The following ARSB variants were observed in gnomAD, a reference collection of about 807,000 sequenced individuals.
ARSB encodes N-acetylgalactosamine-4-sulfatase.
In ARSB, 41 loss-of-function variants were observed where a neutral mutation model predicts 50.9. The ratio of observed to expected loss-of-function variants is 0.81; its 90% CI spans 0.63 to 1.04. ARSB has a LOEUF of 1.04. Among genes scored for constraint, ARSB ranks in the 50% least tolerant of loss-of-function variants. ARSB has a pLI of 0.00. For missense variants in ARSB, 672 were observed against 693.3 expected (o/e 0.97, Z 0.35); for synonymous variants, 269 against 284.8 (o/e 0.94, Z 0.56).
At chr5:78,985,597 A>G (rs1753154079), upstream of ARSB, 1 of 172,682 alleles carries the variant, frequency 5.8e-6, no homozygotes, top group Non-Finnish European at 1.2e-5. Context: ...ACGCTTCACA[A>G]TTTACAAAGC....
At chr5:78,880,799 A>C (rs946143447) in intron 5 of ARSB, among the ~76,000 whole-genome samples, 4 of 152,160 alleles carry the variant, frequency 2.6e-5, no homozygotes, top group African/African-American at 9.7e-5. Context: ...TTTTGTGCCT[A>C]TGTTTAGGTA....
intron 4 of ARSB, among the ~76,000 whole-genome samples, chr5:78,954,406 A>G (rs951059645): frequency 6.6e-6 from 1 of 152,258 alleles, no homozygotes; most frequent in Non-Finnish European, 1.5e-5. Flanking sequence ...TGGCATCGCC[A>G]TAATGAAAAT....
intron 4 of ARSB, among the ~76,000 whole-genome samples, chr5:78,910,127 A>C (rs1322637467): frequency 6.6e-6 from 1 of 152,170 alleles, no homozygotes; most frequent in Non-Finnish European, 1.5e-5. Flanking sequence ...CCTTCTCCCC[A>C]CTATCACCCT....
Position 78,885,721 on chromosome 5 carries a change from G to A in ARSB, c.1005C>T (p.Pro335=), listed in dbSNP as rs1450998005. The A allele has an allele frequency of 1.2e-6, 2 of 1,614,012 alleles. No homozygotes were observed. Among genetic ancestry groups the A allele is most frequent in the African/African-American group, 2.7e-5 (2 of 74,902 alleles). ...TCTTCACGCCCTTCTGCTTCAGCAA[G>A]GGGCTTGCCACAAAGCCCACCCCTC... ...GVRGVGFVAS[P]LLKQKGVKNR... Residue 335 remains proline (P), a synonymous_variant, in exon 5 of 8, where the codon CCC becomes CCT. Transcript: ENST00000264914.
At chr5:78,808,831 C>T (rs538819364) in intron 6 of ARSB, among the ~76,000 whole-genome samples, 1 of 152,332 alleles carries the variant, frequency 6.6e-6, no homozygotes, top group South Asian at 2.1e-4. Context: ...GGATGGCCCC[C>T]TGGGCTCCCT....
At chr5:78,957,492 G>A (rs948849076) in intron 3 of ARSB, among the ~76,000 whole-genome samples, 7 of 152,128 alleles carry the variant, frequency 4.6e-5, no homozygotes, top group Admixed American at 2.6e-4. Flanking sequence ...TGTCAAAGTC[G>A]TTGCTTTAAA....
chr5:78,864,247 G>A (rs900016681), intron 5 of ARSB, among the ~76,000 whole-genome samples: 1 of 152,130 alleles, frequency 6.6e-6, no homozygotes, highest in Admixed American at 6.6e-5. Context: ...ACAAAAGAAA[G>A]AGGATTAATT....
intron 1 of ARSB, among the ~76,000 whole-genome samples, chr5:78,978,660 G>A (rs1363254227): frequency 3.3e-5 from 5 of 152,160 alleles, no homozygotes; most frequent in Admixed American, 6.5e-5. Flanking sequence ...CATAAGGATA[G>A]GCATGTAGAT....
intron 5 of ARSB, among the ~76,000 whole-genome samples, chr5:78,846,195 T>C (rs974992300): frequency 6.6e-6 from 1 of 152,172 alleles, no homozygotes; most frequent in Non-Finnish European, 1.5e-5. Context: ...AGGCTATACA[T>C]ACACGAATTT....
At chr5:78,868,130 T>C (rs1034548946) in intron 5 of ARSB, among the ~76,000 whole-genome samples, 23 of 142,184 alleles carry the variant, frequency 1.6e-4, no homozygotes, top group Non-Finnish European at 3.1e-4. Flanking sequence ...TAAAAAGAAA[T>C]GAGCAAAGCC....
chr5:78,884,779 T>TA (rs1747930823), intron 5 of ARSB: 1 of 152,084 alleles, frequency 6.6e-6, no homozygotes, highest in South Asian at 2.1e-4. Flanking sequence ...TTAATACAAA[T>TA]ACAAGATTGA....
At chr5:78,821,707 C>A (rs949427380) in intron 6 of ARSB, among the ~76,000 whole-genome samples, 1 of 152,212 alleles carries the variant, frequency 6.6e-6, no homozygotes, top group Non-Finnish European at 1.5e-5. Context: ...AATGCTTCTA[C>A]TTATTAGCTC....
chr5:78,848,059 T>C (rs930914509), intron 5 of ARSB, among the ~76,000 whole-genome samples: 41 of 150,758 alleles, frequency 2.7e-4, no homozygotes, highest in Non-Finnish European at 4.9e-4. Context: ...TTTTATTTTA[T>C]TATTATTATT....
intron 5 of ARSB, among the ~76,000 whole-genome samples, chr5:78,847,061 T>C (rs1745478367): frequency 6.6e-6 from 1 of 152,222 alleles, no homozygotes. Flanking sequence ...TTTATGGATT[T>C]GTATATGTTG....
chr5:78,877,184 T>A (rs1747525688), intron 5 of ARSB, among the ~76,000 whole-genome samples: 3 of 152,092 alleles, frequency 2.0e-5, no homozygotes, highest in Admixed American at 6.5e-5. Flanking sequence ...CCCGTTCCCA[T>A]CAGCCAGCCT....
chr5:78,976,278 C>CTTTTTTT (rs541278624), intron 1 of ARSB, among the ~76,000 whole-genome samples: 1 of 76,888 alleles, frequency 1.3e-5, no homozygotes, highest in Non-Finnish European at 2.5e-5. Context: ...AAACAGGCTA[C>CTTTTTTT]TTTTTTTTTT....
At chr5:78,950,152 A>C (rs1013961156) in intron 4 of ARSB, among the ~76,000 whole-genome samples, 4 of 152,132 alleles carry the variant, frequency 2.6e-5, no homozygotes, top group African/African-American at 9.7e-5. Flanking sequence ...CCAGAATACA[A>C]TGGTGTCTTC....
At chr5:78,938,805 GA>G (rs1561513718) in intron 4 of ARSB, among the ~76,000 whole-genome samples, 1 of 152,094 alleles carries the variant, frequency 6.6e-6, no homozygotes. Context: ...GTAATATTGT[GA>G]AAGCTCAGAT....
chr5:78,818,244 A>G (rs13155848), intron 6 of ARSB, among the ~76,000 whole-genome samples: 17 of 111,120 alleles, frequency 1.5e-4, no homozygotes, highest in Admixed American at 3.4e-4. Context: ...TCTGATACAC[A>G]ACTAAGATCT....
Sources: gnomAD v4.1 joint callset for allele counts (sites outside exome capture counted in the v4.1 genomes callset) on GRCh38, gnomAD v4.1.1 for gene constraint, MANE v1.5 for transcripts, NCBI Gene and HGNC (gene_info 2026-07-23, HGNC 2026-07-21) for gene names.